GABBR1: variants seen among roughly 807,000 people sequenced by gnomAD.
GABBR1 encodes GABA-B receptor, R1 subunit.
A neutral mutation model predicts 117.7 loss-of-function variants in GABBR1; 35 were observed. The ratio of observed to expected loss-of-function variants is 0.30; its 90% CI spans 0.23 to 0.39. The LOEUF (loss-of-function observed/expected upper bound fraction) is 0.39. Among genes scored for constraint, GABBR1 ranks in the 10% least tolerant of loss-of-function variants. GABBR1 has a pLI of 1.00. For synonymous variants in GABBR1, 442 were observed against 486.6 expected, an observed-to-expected ratio of 0.91 and a Z score of 1.21; for missense variants, 709 against 1,241.8, an observed-to-expected ratio of 0.57 and a Z score of 6.45.
chr6:29,624,217 TTC>T lies in GABBR1; in HGVS notation c.658-195_658-194del, dbSNP rs1299251947. 2.9e-4 allele frequency: 160 copies of T among 542,524 alleles called. 1 individual carries two copies. Among genetic ancestry groups the T allele is most frequent in the Non-Finnish European group, 2.4e-4 (76 of 311,204 alleles). 33.6% of individuals were successfully genotyped at this position (542,524 alleles called of 1,614,324 possible). A position where few individuals can be genotyped will look rare whatever the true frequency, so the allele number is the denominator to read the frequency against. Reference sequence around the variant, plus strand: ...TTTTCTCCTCTTTCATTAAACTTCCTTCTCTGTCTTCCATCTGGAGCCTTACC... The same window carrying T: ...TTTTCTCCTCTTTCATTAAACTTCCTTCTGTCTTCCATCTGGAGCCTTACC... On this transcript the variant is annotated intron_variant, in intron 6 of 22. Coordinates refer to ENST00000377034, the MANE Select transcript of GABBR1 (RefSeq NM_001470.4).
rs577843081 is a variant in GABBR1, at chr6:29,604,400, A to T, written c.2712+94T>A. 32 of 1,498,018 alleles carry T rather than the reference A, an allele frequency of 2.1e-5. No homozygotes were observed. Among genetic ancestry groups the T allele is most frequent in the Non-Finnish European group, 3.0e-5 (32 of 1,080,066 alleles). The allele number at this position is 1,498,018 out of a possible 1,614,324, so 92.8% of individuals were successfully genotyped here. A position where few individuals can be genotyped will look rare whatever the true frequency, so the allele number is the denominator to read the frequency against. On this transcript the variant is annotated intron_variant, in intron 22 of 22. Transcript: ENST00000377034. This position sits in a 1 kb window ranked among gnomAD's most constrained non-coding sequence, Gnocchi z 5.3. ...TCCCTCCATGAGCCAAGAACATCTG[A>T]CCCTGTATCTCAGGCTTGGCTTCAG...
At position 29,613,524 on chromosome 6, in the gene GABBR1, G is replaced by A; in HGVS notation, c.1324-39C>T. ...AATCATGAGGAAAGAACTGAAATGT[G>A]TGTGGGTGTGGGGGAAGGGGTGCAA... On this transcript the variant is annotated intron_variant, in intron 11 of 22. Transcript: ENST00000377034. This position sits in a 1 kb window ranked among gnomAD's most constrained non-coding sequence, Gnocchi z 4.1. 1 of 1,598,216 alleles carries A rather than the reference G, an allele frequency of 6.3e-7. No homozygotes were observed. Among genetic ancestry groups the A allele is most frequent in the Non-Finnish European group, 8.5e-7 (1 of 1,170,310 alleles).
intron 11 of GABBR1, among the ~76,000 whole-genome samples, chr6:29,614,673 C>G (rs115813917): frequency 0.012 from 1,865 of 152,252 alleles, 17 homozygotes; most frequent in Middle Eastern, 0.037. Flanking sequence ...AGCACTGTGC[C>G]CAACCATAAT....
chr6:29,632,401 C>T lies in GABBR1; in HGVS notation c.1-16G>A, dbSNP rs1162980537. 1.5e-6 allele frequency: 2 copies of T among 1,337,654 alleles called. No homozygotes were observed. Among genetic ancestry groups the T allele is most frequent in the Admixed American group, 4.0e-5 (1 of 24,988 alleles). The allele number at this position is 1,337,654 out of a possible 1,614,324, so 82.9% of individuals were successfully genotyped here. On this transcript the variant is annotated splice_polypyrimidine_tract_variant and intron_variant, in intron 1 of 22. Transcript: ENST00000377034. This position sits in a 1 kb window ranked among gnomAD's most constrained non-coding sequence, Gnocchi z 5.8. ...GCAGCAACATCTAAGTGAGAGGCGG[C>T]CATGAGGACTGGACCGAGCCCCGCC...
Position 29,631,689 on chromosome 6 carries a change from C to T in GABBR1, c.86-90G>A. 8.4e-7 allele frequency: 1 copy of T among 1,188,330 alleles called. No individual in the cohort carries two copies. Among genetic ancestry groups the T allele is most frequent in the Non-Finnish European group, 1.2e-6 (1 of 807,138 alleles). 73.6% of individuals were successfully genotyped at this position (1,188,330 alleles called of 1,614,324 possible). On this transcript the variant is annotated intron_variant, in intron 2 of 22. Coordinates refer to ENST00000377034, the MANE Select transcript of GABBR1 (RefSeq NM_001470.4). This position sits in a 1 kb window ranked among gnomAD's most constrained non-coding sequence, Gnocchi z 5.9. ...CAGTGGGAGGAAGGGGAGAGTAGGG[C>T]GTGGTCTGTGGGCAGGCTGGGGACA...
At chr6:29,608,422 C>T in intron 16 of GABBR1, 179 bp downstream of exon 16, 1 of 627,460 alleles carries the variant, frequency 1.6e-6, no homozygotes, top group Non-Finnish European at 2.7e-6. Flanking sequence ...GGCCTGCAGA[C>T]ACAGAAAGAA....
In GABBR1 at chr6:29,605,687, T is replaced by C. The variant is rs199842945; in HGVS notation, c.2321A>G (p.Tyr774Cys). Residue 774 changes from tyrosine (Y) to cysteine (C), a missense_variant, in exon 20 of 23, where the codon TAT (tyrosine) becomes TGT (cysteine). By Grantham distance (194) the Tyr-to-Cys change is radical. This residue lies in a region of GABBR1 where 251 missense variants were observed against 445.3 expected (regional missense o/e 0.56). Coordinates refer to ENST00000377034, the MANE Select transcript of GABBR1 (RefSeq NM_001470.4). The surrounding 1 kb of genome is among the most constrained non-coding windows in gnomAD (Gnocchi z 4.2). ...CAGCAGCAGCAGCCCCTTGTAACCA[T>C]AGAAAATGCCTAGGATGGCAGGAGA... ...RKMNTWLGIF[Y>C]GYKGLLLLLG... 1.9e-5 allele frequency: 30 copies of C among 1,612,642 alleles called. No homozygotes were observed. The highest frequency in any genetic ancestry group is 3.3e-4 in the Middle Eastern group (2 of 6,062).
chr6:29,610,404 C>T lies in GABBR1; in HGVS notation c.1708+520G>A, dbSNP rs953833344. On this transcript the variant is annotated intron_variant, in intron 14 of 22. Transcript: ENST00000377034. ...ACCACTATGCAATATATTCATGTAA[C>T]ACAACTGCACGTCTACCTCTAAATT... Among the ~76,000 whole-genome samples the T allele has an allele frequency of 2.0e-5, 3 of 152,136 alleles. No homozygotes were observed. The East Asian group carries it at 5.8e-4, about 29-fold the overall frequency.
rs780365521 is a variant in GABBR1 at position 29,632,256 on chromosome 6, G to T, written c.85+45C>A. 3.6e-6 allele frequency: 4 copies of T among 1,117,824 alleles called. No individual in the cohort carries two copies. The East Asian group carries it at 1.2e-4, about 35-fold the overall frequency. The allele number at this position is 1,117,824 out of a possible 1,614,324, so 69.2% of individuals were successfully genotyped here. A position where few individuals can be genotyped will look rare whatever the true frequency, so the allele number is the denominator to read the frequency against. On this transcript the variant is annotated intron_variant, in intron 2 of 22. Coordinates refer to ENST00000377034, the MANE Select transcript of GABBR1 (RefSeq NM_001470.4). The surrounding 1 kb of genome is among the most constrained non-coding windows in gnomAD (Gnocchi z 5.8). ...AGAAATGAGGAGATGCAGGGAAAGG[G>T]AAGTGGAGCGAAGGAGGGCCGGAGG...
Position 29,621,768 on chromosome 6 carries a change from C to T in GABBR1, c.1115G>A (p.Arg372Gln), listed in dbSNP as rs1763773915. Reference sequence around the variant, plus strand: ...CAACTCCACCTCACAAAAAACTTTCCGGGCTTCAGTCTCATAGAAAAGTCC... The same window carrying T: ...CAACTCCACCTCACAAAAAACTTTCTGGGCTTCAGTCTCATAGAAAAGTCC... ...IVGLFYETEA[R>Q]KVFCEVYKER... The change falls in exon 10 of 23, where the codon CGG becomes CAG. Residue 372 changes from arginine to glutamine, a missense_variant. Physicochemically the swap from Arg to Gln is conservative, Grantham distance 43. This residue lies in a region of GABBR1 where 192 missense variants were observed against 418.4 expected (regional missense o/e 0.46). Coordinates refer to ENST00000377034, the MANE Select transcript of GABBR1 (RefSeq NM_001470.4). The surrounding 1 kb of genome is among the most constrained non-coding windows in gnomAD (Gnocchi z 5.0). The T allele has an allele frequency of 2.5e-6, 4 of 1,613,998 alleles. No homozygotes were observed. Among genetic ancestry groups the T allele is most frequent in the African/African-American group, 2.7e-5 (2 of 74,882 alleles).
chr6:29,627,466 A>AC lies in GABBR1; in HGVS notation c.657+19dup. 1 of 407,728 alleles carries AC rather than the reference A, an allele frequency of 2.5e-6. No homozygotes were observed. Among genetic ancestry groups the AC allele is most frequent in the South Asian group, 2.7e-5 (1 of 36,682 alleles). The allele number at this position is 407,728 out of a possible 1,614,324, so 25.3% of individuals were successfully genotyped here. ...CCCCGCAAGCCCCCACCTCCCACCCACCCCCATGTCCAGGGCTACCTTGCT... is the reference window on the plus strand; with the variant it reads ...CCCCGCAAGCCCCCACCTCCCACCCACCCCCCATGTCCAGGGCTACCTTGCT... On this transcript the variant is annotated intron_variant, in intron 6 of 22. Coordinates refer to ENST00000377034, the MANE Select transcript of GABBR1 (RefSeq NM_001470.4). The surrounding 1 kb of genome is among the most constrained non-coding windows in gnomAD (Gnocchi z 4.4).
chr6:29,619,128 C>G (rs994068094), intron 11 of GABBR1, among the ~76,000 whole-genome samples: 1 of 152,182 alleles, frequency 6.6e-6, no homozygotes, highest in African/African-American at 2.4e-5. Flanking sequence ...AACTAACTAC[C>G]TTTCCAGGTG....
chr6:29,627,621 T>A lies in GABBR1; in HGVS notation c.522A>T (p.Ala174=). The change falls in exon 6 of 23, where the codon GCA becomes GCT. Residue 174 remains alanine, a synonymous_variant. Coordinates refer to ENST00000377034, the MANE Select transcript of GABBR1 (RefSeq NM_001470.4). The surrounding 1 kb of genome is among the most constrained non-coding windows in gnomAD (Gnocchi z 4.4). ...GCCAGCCCCCGCTCATGGGAAACAG[T>A]GCCCCGATGTACACTGCGCGCCGTT... ...HSERRAVYIG[A]LFPMSGGWPG... is the part of the protein sequence containing the mutation. 1 of 1,561,906 alleles carries A rather than the reference T, an allele frequency of 6.4e-7. No homozygotes were observed. Among genetic ancestry groups the A allele is most frequent in the Non-Finnish European group, 8.6e-7 (1 of 1,156,624 alleles).
rs549453282 is a variant in GABBR1, at chr6:29,609,471, C to G, written c.1709-92G>C. On this transcript the variant is annotated intron_variant, in intron 14 of 22. Coordinates refer to ENST00000377034, the MANE Select transcript of GABBR1 (RefSeq NM_001470.4). The surrounding 1 kb of genome is among the most constrained non-coding windows in gnomAD (Gnocchi z 4.3). The stretch of plus-strand genomic sequence containing the variant: ...CGGGATAGGAGAAAAGGGCAAAGAA[C>G]TAGATTGCTGATGGACATTCAGTCA... 1.4e-4 allele frequency: 151 copies of G among 1,096,098 alleles called. No homozygotes were observed. The highest frequency in any genetic ancestry group is 9.1e-4 in the Admixed American group (45 of 49,674). The allele number at this position is 1,096,098 out of a possible 1,614,324, so 67.9% of individuals were successfully genotyped here. A position where few individuals can be genotyped will look rare whatever the true frequency, so the allele number is the denominator to read the frequency against.
rs1761937629 is a variant in GABBR1, at chr6:29,606,196, C to T, written c.2311+195G>A. ...TGCTTTCTGTGCTTTGGGCCCTAAG[C>T]TCCTCATAGCAAAAGAGCAACTCTC... On this transcript the variant is annotated intron_variant, in intron 19 of 22. Coordinates refer to ENST00000377034, the MANE Select transcript of GABBR1 (RefSeq NM_001470.4). The surrounding 1 kb of genome is among the most constrained non-coding windows in gnomAD (Gnocchi z 4.5). 2 of 591,024 alleles carry T rather than the reference C, an allele frequency of 3.4e-6. No individual in the cohort carries two copies. Among genetic ancestry groups the T allele is most frequent in the Non-Finnish European group, 6.0e-6 (2 of 331,168 alleles). 36.6% of individuals were successfully genotyped at this position (591,024 alleles called of 1,614,324 possible).
chr6:29,612,509 G>A (rs376715420), intron 13 of GABBR1, 42 bp downstream of exon 13: 1 of 1,579,462 alleles, frequency 6.3e-7, no homozygotes, highest in Non-Finnish European at 8.7e-7. Context: ...CCCAGCCCCA[G>A]CCTAGCCCCC....
At position 29,611,529 on chromosome 6, in the gene GABBR1, C is replaced by T. The variant is rs552142135; in HGVS notation, c.1631-528G>A. On this transcript the variant is annotated intron_variant, in intron 13 of 22. Transcript: ENST00000377034. The surrounding 1 kb of genome is among the most constrained non-coding windows in gnomAD (Gnocchi z 4.6). ...AAGATTTCTGTTCTAGAACTGTTTC[C>T]GTTACCATAACTTTTCCTTCAAAAG... 2.2e-3 allele frequency among the ~76,000 whole-genome samples: 329 copies of T among 152,262 alleles called. 1 individual carries two copies. The highest frequency in any genetic ancestry group is 3.6e-3 in the African/African-American group (148 of 41,534).
Position 29,627,371 on chromosome 6 carries a change from G to T in GABBR1, c.657+115C>A. ...CCCATCTCCTGCCAGTCACACAAGG[G>T]AGGGGTCTGCCTCGCAATCCCAGAG... On this transcript the variant is annotated intron_variant, in intron 6 of 22. Coordinates refer to ENST00000377034, the MANE Select transcript of GABBR1 (RefSeq NM_001470.4). This position sits in a 1 kb window ranked among gnomAD's most constrained non-coding sequence, Gnocchi z 4.4. The T allele has an allele frequency of 9.5e-7, 1 of 1,057,366 alleles. No individual in the cohort carries two copies. The highest frequency in any genetic ancestry group is 1.4e-6 in the Non-Finnish European group (1 of 730,636). 65.5% of individuals were successfully genotyped at this position (1,057,366 alleles called of 1,614,324 possible). A position where few individuals can be genotyped will look rare whatever the true frequency, so the allele number is the denominator to read the frequency against.
In GABBR1 at chr6:29,630,227, AT is replaced by A; in HGVS notation, c.475+230del. 3 of 443,608 alleles carry A rather than the reference AT, an allele frequency of 6.8e-6. No homozygotes were observed. The highest frequency in any genetic ancestry group is 6.8e-5 in the South Asian group (1 of 14,606). The allele number at this position is 443,608 out of a possible 1,614,324, so 27.5% of individuals were successfully genotyped here. ...AGGTCTAAGAATCGGGAGCAGGAAGATTTTTTTAAAAGGTAAAGGAAGGAAG... is the reference window on the plus strand; with the variant it reads ...AGGTCTAAGAATCGGGAGCAGGAAGATTTTTTAAAAGGTAAAGGAAGGAAG... On this transcript the variant is annotated intron_variant, in intron 4 of 22. Coordinates refer to ENST00000377034, the MANE Select transcript of GABBR1 (RefSeq NM_001470.4). This position sits in a 1 kb window ranked among gnomAD's most constrained non-coding sequence, Gnocchi z 4.9.
Sources: gnomAD v4.1 joint callset for allele counts (sites outside exome capture counted in the v4.1 genomes callset) on GRCh38, gnomAD v4.1.1 for gene constraint, gnomAD v4.1.1 regional missense constraint, Gnocchi (gnomAD v3.1) non-coding constraint, MANE v1.5 for transcripts, NCBI Gene and HGNC (gene_info 2026-07-23, HGNC 2026-07-21) for gene names.